EYS: variants seen among roughly 807,000 people sequenced by gnomAD.
EYS encodes protein eyes shut homolog.
In EYS, 250 loss-of-function variants were observed where a neutral mutation model predicts 282.1. That is an observed-to-expected ratio of 0.89 (90% CI 0.80 to 0.98). The LOEUF is 0.98. Among genes scored for constraint, EYS ranks in the 50% least tolerant of loss-of-function variants. The pLI is 0.00. For missense variants in EYS, 4,016 were observed against 3,709.0 expected, an observed-to-expected ratio of 1.08 and a Z score of -2.15; for synonymous variants, 1,355 against 1,282.9, an observed-to-expected ratio of 1.06 and a Z score of -1.20.
chr6:64,011,570 G>T (rs1003494327), intron 33 of EYS, among the ~76,000 whole-genome samples: 9 of 151,260 alleles, frequency 6.0e-5, no homozygotes, highest in Non-Finnish European at 7.4e-5. Context: ...TATTTCAAAA[G>T]CACATAAGTA....
At chr6:64,896,637 G>A (rs942427840) in intron 18 of EYS, among the ~76,000 whole-genome samples, 1 of 151,956 alleles carries the variant, frequency 6.6e-6, no homozygotes, top group South Asian at 2.1e-4. Flanking sequence ...TGAAGCCAGG[G>A]AGCCAAGTGG....
At chr6:64,435,438 C>CTTTTTTTTTTTTTTTCTTTTTTTTT (rs1774709868) in intron 28 of EYS, among the ~76,000 whole-genome samples, 1 of 135,224 alleles carries the variant, frequency 7.4e-6, no homozygotes. Flanking sequence ...CTTCTTCTTC[C>CTTTTTTTTTTTTTTTCTTTTTTTTT]TTTTTTTTTT....
intron 12 of EYS, among the ~76,000 whole-genome samples, chr6:65,100,524 TG>T (rs34600510): frequency 0.23 from 35,071 of 150,650 alleles, 4,331 homozygotes; most frequent in South Asian, 0.27. Context: ...CAAAGATGTT[TG>T]GAAAAATTGC....
chr6:65,380,605 G>A (rs1435228047), intron 8 of EYS, among the ~76,000 whole-genome samples: 1 of 152,018 alleles, frequency 6.6e-6, no homozygotes, highest in Admixed American at 6.6e-5. Context: ...TGCAACAAAA[G>A]CCAAAATTGA....
At chr6:64,714,655 A>C (rs759883680) in intron 22 of EYS, among the ~76,000 whole-genome samples, 1 of 151,570 alleles carries the variant, frequency 6.6e-6, no homozygotes, top group Non-Finnish European at 1.5e-5. Flanking sequence ...CCTCTGGAGT[A>C]GCTGGGACTA....
chr6:65,208,684 T>G (rs1285553229), intron 12 of EYS, among the ~76,000 whole-genome samples: 1 of 151,854 alleles, frequency 6.6e-6, no homozygotes, highest in Non-Finnish European at 1.5e-5. Context: ...TTATCCTAAA[T>G]GAATAACTTA....
At chr6:63,838,502 A>G (rs1266147784) in intron 36 of EYS, among the ~76,000 whole-genome samples, 1 of 152,094 alleles carries the variant, frequency 6.6e-6, no homozygotes, top group Admixed American at 6.6e-5. Context: ...GTTGTGATCC[A>G]CTATTATTAT....
chr6:64,084,827 T>C (rs1370128916), intron 31 of EYS, among the ~76,000 whole-genome samples: 1 of 152,122 alleles, frequency 6.6e-6, no homozygotes, highest in East Asian at 1.9e-4. Flanking sequence ...CTAAGAAGAG[T>C]GTTAAGGCCA....
At chr6:64,118,812 T>C (rs1196669621) in intron 31 of EYS, among the ~76,000 whole-genome samples, 1 of 152,062 alleles carries the variant, frequency 6.6e-6, no homozygotes, top group East Asian at 1.9e-4. Context: ...ATCCAGAATC[T>C]ACAAGAAACT....
intron 7 of EYS, among the ~76,000 whole-genome samples, chr6:65,386,074 A>G (rs574836350): frequency 1.3e-5 from 2 of 151,898 alleles, no homozygotes; most frequent in African/African-American, 2.4e-5. Flanking sequence ...GAATTGAAGA[A>G]CCAATATTCA....
chr6:64,052,895 G>T (rs1486130584), intron 33 of EYS, among the ~76,000 whole-genome samples: 1 of 152,120 alleles, frequency 6.6e-6, no homozygotes, highest in African/African-American at 2.4e-5. Context: ...CAGCCATGCC[G>T]AACTGTGAGT....
At chr6:64,542,582 G>C (rs1459360608) in intron 26 of EYS, among the ~76,000 whole-genome samples, 1 of 152,022 alleles carries the variant, frequency 6.6e-6, no homozygotes, top group Non-Finnish European at 1.5e-5. Context: ...GTAGGTTTTT[G>C]AGCCTTGTCC....
At chr6:64,651,802 A>G (rs1056818672) in intron 22 of EYS, among the ~76,000 whole-genome samples, 49 of 152,356 alleles carry the variant, frequency 3.2e-4, no homozygotes, top group African/African-American at 1.0e-3. Context: ...ACATAAAGAA[A>G]GACATATTAG....
chr6:64,827,427 A>G (rs559382998), intron 19 of EYS, among the ~76,000 whole-genome samples: 4 of 152,010 alleles, frequency 2.6e-5, no homozygotes, highest in African/African-American at 9.6e-5. Context: ...CTCAGGGATC[A>G]TACCTATTTA....
intron 11 of EYS, among the ~76,000 whole-genome samples, chr6:65,306,832 C>A (rs1769019542): frequency 1.9e-4 from 10 of 51,750 alleles, no homozygotes; most frequent in Non-Finnish European, 2.3e-4. Context: ...GAGTCCGTCT[C>A]AAAAAAAAAA....
chr6:64,073,936 C>G (rs1433010115), intron 32 of EYS, among the ~76,000 whole-genome samples: 1 of 151,774 alleles, frequency 6.6e-6, no homozygotes, highest in South Asian at 2.1e-4. Flanking sequence ...TCATTCTATT[C>G]TTTCACTGAA....
chr6:64,228,286 C>T (rs554687634), intron 31 of EYS, among the ~76,000 whole-genome samples: 46 of 152,178 alleles, frequency 3.0e-4, no homozygotes, highest in African/African-American at 1.0e-3. Flanking sequence ...TTAATATTTA[C>T]GAATAAAATT....
At chr6:65,376,578 T>A (rs966019572) in intron 8 of EYS, among the ~76,000 whole-genome samples, 1 of 152,088 alleles carries the variant, frequency 6.6e-6, no homozygotes, top group African/African-American at 2.4e-5. Flanking sequence ...AGACACAGAA[T>A]GGCAAGTTGG....
chr6:64,870,375 C>A (rs1200452028), intron 19 of EYS, among the ~76,000 whole-genome samples: 1 of 148,690 alleles, frequency 6.7e-6, no homozygotes, highest in Admixed American at 6.8e-5. Flanking sequence ...CAGCTTACAA[C>A]AATTAAAAAA....
Sources: allele counts gnomAD v4.1 joint callset (sites outside exome capture counted in the v4.1 genomes callset), GRCh38; gene constraint gnomAD v4.1.1; transcripts MANE v1.5; gene names NCBI Gene and HGNC (gene_info 2026-07-23, HGNC 2026-07-21).